Variants in PDE1A observed in about 807,000 individuals in gnomAD.
PDE1A encodes the protein phosphodiesterase 1A.
In PDE1A, 35 loss-of-function variants were observed where a neutral mutation model predicts 61.7. The ratio of observed to expected loss-of-function variants is 0.57; its 90% CI spans 0.43 to 0.75. The LOEUF is 0.75. PDE1A is among the 30% of genes least tolerant of loss of function. The probability of loss-of-function intolerance (pLI) is 0.00; values close to 1 mark genes in which losing one functional copy is unlikely to be tolerated. For synonymous variants in PDE1A, 232 were observed against 213.2 expected (o/e 1.09, Z -0.77); for missense variants, 597 against 630.6 (o/e 0.95, Z 0.57).
At chr2:182,516,709 GAA>G (rs1199211455) in intron 2 of PDE1A, among the ~76,000 whole-genome samples, 914 of 37,778 alleles carry the variant, frequency 0.024, 6 homozygotes, top group African/African-American at 0.046. Flanking sequence ...AGGGAGGAAG[GAA>G]GGAAGGAAGG....
chr2:182,623,401 G>GA, the PDE1A span, among the ~76,000 whole-genome samples: 602 of 152,004 alleles, frequency 4.0e-3, 3 homozygotes, highest in African/African-American at 0.013. Flanking sequence ...CCAAAAGACA[G>GA]AAAAAAAACA....
chr2:182,145,749 T>C (rs1217614210), downstream of PDE1A, among the ~76,000 whole-genome samples: 2 of 151,702 alleles, frequency 1.3e-5, no homozygotes, highest in African/African-American at 4.8e-5. Context: ...AAAAGAAAAA[T>C]GCAAAAAGGT....
intron 8 of PDE1A, among the ~76,000 whole-genome samples, chr2:182,202,102 G>C (rs969073079): frequency 1.1e-4 from 17 of 152,072 alleles, no homozygotes; most frequent in Admixed American, 4.6e-4. Context: ...TTTTTAATCT[G>C]AAAGGAACTT....
intron 2 of PDE1A, among the ~76,000 whole-genome samples, chr2:182,482,803 A>G (rs1162345539): frequency 6.6e-6 from 1 of 151,962 alleles, no homozygotes; most frequent in Non-Finnish European, 1.5e-5. Flanking sequence ...GGAGTTCAGA[A>G]AGCATGTGAG....
chr2:182,182,798 C>A (rs575352698), intron 13 of PDE1A, among the ~76,000 whole-genome samples: 5 of 151,828 alleles, frequency 3.3e-5, no homozygotes, highest in African/African-American at 1.2e-4. Context: ...TTTGTTAACA[C>A]CCACCCTCCC....
chr2:182,479,102 A>G (rs1687549077), intron 2 of PDE1A, among the ~76,000 whole-genome samples: 1 of 151,918 alleles, frequency 6.6e-6, no homozygotes, highest in Non-Finnish European at 1.5e-5. Flanking sequence ...CATATCTCAA[A>G]TGCAAATATA....
the PDE1A span, among the ~76,000 whole-genome samples, chr2:182,587,296 T>C: frequency 2.6e-5 from 4 of 152,156 alleles, no homozygotes; most frequent in African/African-American, 7.2e-5. Context: ...CTGACTCTTA[T>C]AACTTGAAAT....
chr2:182,195,697 T>C (rs943698979), intron 10 of PDE1A, among the ~76,000 whole-genome samples: 2 of 152,102 alleles, frequency 1.3e-5, no homozygotes, highest in Non-Finnish European at 2.9e-5. Flanking sequence ...GACATATATT[T>C]GCAAATTGCT....
the PDE1A span, among the ~76,000 whole-genome samples, chr2:182,696,098 A>G: frequency 6.6e-6 from 1 of 152,238 alleles, no homozygotes; most frequent in East Asian, 1.9e-4. Context: ...AGATCCAGCA[A>G]TTGCACTCCT....
intron 2 of PDE1A, among the ~76,000 whole-genome samples, chr2:182,518,239 T>G (rs1690339736): frequency 6.6e-6 from 1 of 152,180 alleles, no homozygotes; most frequent in Non-Finnish European, 1.5e-5. Flanking sequence ...TTTGCTAATT[T>G]TTATTTTAAA....
chr2:182,700,276 TA>T, the PDE1A span, among the ~76,000 whole-genome samples: 2 of 152,122 alleles, frequency 1.3e-5, no homozygotes, highest in African/African-American at 4.8e-5. Flanking sequence ...ATTTCCCATT[TA>T]AAAAAATATG....
At chr2:182,481,936 C>T (rs948946622) in intron 2 of PDE1A, among the ~76,000 whole-genome samples, 1 of 151,902 alleles carries the variant, frequency 6.6e-6, no homozygotes, top group African/African-American at 2.4e-5. Flanking sequence ...CCCTTGGCAG[C>T]TGAGTGACCA....
the PDE1A span, among the ~76,000 whole-genome samples, chr2:182,680,981 G>A: frequency 6.6e-6 from 1 of 152,150 alleles, no homozygotes; most frequent in Non-Finnish European, 1.5e-5. Context: ...CCAGGTTGCT[G>A]CCGTGGAAAA....
chr2:182,226,607 T>C (rs961217408), intron 6 of PDE1A, among the ~76,000 whole-genome samples: 2 of 149,828 alleles, frequency 1.3e-5, no homozygotes, highest in East Asian at 1.9e-4. Context: ...CTTAAATTCA[T>C]AAATTTTATA....
In PDE1A at chr2:182,228,191, T is replaced by C. The variant is rs141492674; in HGVS notation, c.675+1815A>G. 2.1e-4 allele frequency among the ~76,000 whole-genome samples: 32 copies of C among 152,150 alleles called. 1 individual carries two copies. The highest frequency in any genetic ancestry group is 3.4e-3 in the Middle Eastern group (1 of 294). ...GTATCAAGTGACAAAAGGAGAGAGA[T>C]AGGGGGACAAGCAGGTGTATGAGCA... On this transcript the variant is annotated intron_variant, in intron 6 of 13. Coordinates refer to ENST00000351439, the Ensembl canonical transcript of PDE1A.
chr2:182,616,591 C>G, the PDE1A span, among the ~76,000 whole-genome samples: 1 of 152,216 alleles, frequency 6.6e-6, no homozygotes, highest in East Asian at 1.9e-4. Context: ...GAGACTACAT[C>G]TTTATCTACA....
chr2:182,706,610 C>A, the PDE1A span, among the ~76,000 whole-genome samples: 1,091 of 152,138 alleles, frequency 7.2e-3, 5 homozygotes, highest in South Asian at 0.03. Context: ...TAACACCCAA[C>A]CCATGTTCTT....
intron 1 of PDE1A, among the ~76,000 whole-genome samples, chr2:182,423,591 A>C (rs572457305): frequency 6.6e-6 from 1 of 152,202 alleles, no homozygotes; most frequent in Non-Finnish European, 1.5e-5. Context: ...TCTTGCTCTC[A>C]TATCTTTCAG....
At chr2:182,322,719 T>C (rs1405692880) in intron 1 of PDE1A, among the ~76,000 whole-genome samples, 2 of 152,216 alleles carry the variant, frequency 1.3e-5, no homozygotes, top group Non-Finnish European at 2.9e-5. Context: ...ATGGGCTTTT[T>C]ACTTAAGACA....
Sources: gnomAD v4.1 joint callset for allele counts (sites outside exome capture counted in the v4.1 genomes callset) on GRCh38, gnomAD v4.1.1 for gene constraint, MANE v1.5 for transcripts, NCBI Gene and HGNC (gene_info 2026-07-23, HGNC 2026-07-21) for gene names.